The following PPP1R8 variants were observed in gnomAD, a reference collection of about 807,000 sequenced individuals.
PPP1R8 encodes the protein protein phosphatase 1 regulatory subunit 8.
A neutral mutation model predicts 31.3 loss-of-function variants in PPP1R8; 4 were observed. That is an observed-to-expected ratio of 0.13 (90% CI 0.06 to 0.29). PPP1R8 has a LOEUF of 0.29. Ranked by LOEUF, PPP1R8 falls within the 10% of genes least tolerant of loss-of-function variation. The probability of loss-of-function intolerance (pLI) is 1.00; values close to 1 mark genes in which losing one functional copy is unlikely to be tolerated. For synonymous variants in PPP1R8, 170 were observed against 169.7 expected (o/e 1.00, Z -0.01); for missense variants, 254 against 440.1 (o/e 0.58, Z 3.78).
intron 6 of PPP1R8, among the ~76,000 whole-genome samples, chr1:27,847,703 C>G (rs2089299126): frequency 6.6e-6 from 1 of 152,014 alleles, no homozygotes; most frequent in Admixed American, 6.6e-5. Flanking sequence ...TGCACTCCAG[C>G]CTGGTGACAG....
intron 2 of PPP1R8, among the ~76,000 whole-genome samples, chr1:27,837,188 T>C (rs571126277): frequency 2.0e-5 from 3 of 152,172 alleles, no homozygotes; most frequent in African/African-American, 7.2e-5. Flanking sequence ...TCCCAGCACT[T>C]TGGGAGTCTG....
chr1:27,831,895 T>G (rs2089112963), intron 1 of PPP1R8, among the ~76,000 whole-genome samples: 1 of 152,232 alleles, frequency 6.6e-6, no homozygotes, highest in African/African-American at 2.4e-5. Flanking sequence ...GGTTCTTTTT[T>G]CTAACTTCAA....
intron 5 of PPP1R8, among the ~76,000 whole-genome samples, chr1:27,844,317 T>G (rs914431533): frequency 3.3e-5 from 5 of 151,930 alleles, no homozygotes; most frequent in African/African-American, 1.2e-4. Context: ...TTTTTATTTT[T>G]TATTTTTTAT....
intron 2 of PPP1R8, chr1:27,834,366 C>T (rs778474021): frequency 5.8e-6 from 3 of 513,484 alleles, no homozygotes; most frequent in Non-Finnish European, 1.2e-5. Context: ...GAGGCGTAGA[C>T]CTGAGATGTG....
At chr1:27,845,783 C>CTTTTTTTTTTTTTTTTTT (rs773994854) in intron 5 of PPP1R8, among the ~76,000 whole-genome samples, 15 of 91,832 alleles carry the variant, frequency 1.6e-4, no homozygotes, top group East Asian at 7.8e-4. Flanking sequence ...TTCTTTCTTT[C>CTTTTTTTTTTTTTTTTTT]TTTTTTTTTT....
At chr1:27,841,396 C>G (rs1335923232) in intron 4 of PPP1R8, among the ~76,000 whole-genome samples, 162 bp downstream of exon 4, 1 of 152,056 alleles carries the variant, frequency 6.6e-6, no homozygotes, top group African/African-American at 2.4e-5. Context: ...TGTGACAGCT[C>G]TCGGAGAGCC....
At chr1:27,842,365 A>T (rs960986414) in intron 4 of PPP1R8, among the ~76,000 whole-genome samples, 1 of 151,736 alleles carries the variant, frequency 6.6e-6, no homozygotes, top group Non-Finnish European at 1.5e-5. Context: ...AAAAAAGAGA[A>T]ATTTTACAAT....
intron 2 of PPP1R8, among the ~76,000 whole-genome samples, chr1:27,836,315 A>G (rs1483687888): frequency 2.0e-5 from 3 of 152,262 alleles, no homozygotes; most frequent in Admixed American, 6.5e-5. Context: ...TCCTTCATCT[A>G]TAACAGTCCA....
Position 27,831,266 on chromosome 1 carries a change from G to C in PPP1R8, c.56+375G>C. On this transcript the variant is annotated intron_variant, in intron 1 of 6. Coordinates refer to ENST00000311772, the MANE Select transcript of PPP1R8 (RefSeq NM_014110.5). ...CTTCCTGTACGTCCCGAGCGCGCTCGAGCCAGCCCCGGCCCCAACCCTACC... is the reference window on the plus strand; with the variant it reads ...CTTCCTGTACGTCCCGAGCGCGCTCCAGCCAGCCCCGGCCCCAACCCTACC... 3.0e-6 allele frequency: 3 copies of C among 1,011,174 alleles called. No individual in the cohort carries two copies. In the South Asian group the frequency reaches 1.2e-4, roughly 42 times the overall value. The allele number at this position is 1,011,174 out of a possible 1,614,324, so 62.6% of individuals were successfully genotyped here.
rs780184937 is a variant in PPP1R8 at position 27,830,853 on chromosome 1, C to G, written c.18C>G (p.Asn6Lys). Residue 6 changes from asparagine to lysine, a missense_variant, in exon 1 of 7, where the codon AAC (asparagine) becomes AAG (lysine). Asn to Lys is a moderately conservative substitution (Grantham distance 94). Around this residue, in one of 6 missense-constraint regions of PPP1R8, gnomAD observed 38 missense variants for 18.6 expected, o/e 2.04. Coordinates refer to ENST00000311772, the MANE Select transcript of PPP1R8 (RefSeq NM_014110.5). Reference protein sequence around the residue: MAAAANSGSSLPLFDC... With the variant: MAAAAKSGSSLPLFDC... ...GACGCAAGATGGCGGCAGCCGCGAACTCCGGCTCTAGCCTCCCGCTGTTCG... is the reference window on the plus strand; with the variant it reads ...GACGCAAGATGGCGGCAGCCGCGAAGTCCGGCTCTAGCCTCCCGCTGTTCG... 1.3e-6 allele frequency: 2 copies of G among 1,576,470 alleles called. No homozygotes were observed. Among genetic ancestry groups the G allele is most frequent in the South Asian group, 1.2e-5 (1 of 85,932 alleles).
intron 2 of PPP1R8, 90 bp downstream of exon 2, chr1:27,832,906 T>C: frequency 9.4e-7 from 1 of 1,069,366 alleles, no homozygotes; most frequent in Non-Finnish European, 1.4e-6. Context: ...TGTGCTTTGT[T>C]TTCCAGCAAT....
intron 2 of PPP1R8, among the ~76,000 whole-genome samples, chr1:27,835,710 T>C (rs2089157928): frequency 6.6e-6 from 1 of 152,218 alleles, no homozygotes; most frequent in East Asian, 1.9e-4. Context: ...TTGATGTAAG[T>C]AGAATGAAGA....
chr1:27,839,464 G>A (rs2089202109), intron 3 of PPP1R8, among the ~76,000 whole-genome samples: 1 of 152,058 alleles, frequency 6.6e-6, no homozygotes, highest in Non-Finnish European at 1.5e-5. Flanking sequence ...GGAGTGGAAG[G>A]ATTCAGTGAG....
At chr1:27,831,262 G>T (rs2089101746) in intron 1 of PPP1R8, 1 of 1,011,988 alleles carries the variant, frequency 9.9e-7, no homozygotes, top group South Asian at 4.1e-5. Context: ...TCCCGAGCGC[G>T]CTCGAGCCAG....
chr1:27,842,522 C>T (rs2089233345), intron 4 of PPP1R8, among the ~76,000 whole-genome samples: 1 of 152,074 alleles, frequency 6.6e-6, no homozygotes, highest in South Asian at 2.1e-4. Context: ...GATCTTCATT[C>T]TTAAGACATT....
At chr1:27,846,886 C>T (rs12089386) in intron 5 of PPP1R8, 142 bp from the exon 6 acceptor site, 4 of 695,442 alleles carry the variant, frequency 5.8e-6, no homozygotes, top group East Asian at 5.4e-5. Flanking sequence ...GGATTTAGCA[C>T]AATGCCCAGC....
At position 27,844,894 on chromosome 1, in the gene PPP1R8, T is replaced by G. The variant is rs1412013801; in HGVS notation, c.637+1564T>G. Among the ~76,000 whole-genome samples, 8 of 127,034 alleles carry G rather than the reference T, an allele frequency of 6.3e-5. No homozygotes were observed. The East Asian group carries it at 1.6e-3, about 25-fold the overall frequency. 83.3% of individuals were successfully genotyped at this position (127,034 alleles called of 152,430 possible). The stretch of plus-strand genomic sequence containing the variant: ...CACCATGCCCGACTAATTTTTTTTT[T>G]TTTTTTTTTTTTTTTTTTTTAGTAG... On this transcript the variant is annotated intron_variant, in intron 5 of 6. Coordinates refer to ENST00000311772, the MANE Select transcript of PPP1R8 (RefSeq NM_014110.5).
Position 27,830,826 on chromosome 1 carries a change from G to T in PPP1R8, c.-10G>T, listed in dbSNP as rs193018957. ...CTTAGGGCGCGCCAAATGGGAGGGG[G>T]AGACGCAAGATGGCGGCAGCCGCGA... On this transcript the variant is annotated 5_prime_UTR_variant, in exon 1 of 7. Coordinates refer to ENST00000311772, the MANE Select transcript of PPP1R8 (RefSeq NM_014110.5). The T allele has an allele frequency of 2.5e-6, 4 of 1,574,494 alleles. No homozygotes were observed. In the South Asian group the frequency reaches 3.5e-5, roughly 14 times the overall value.
At position 27,851,330 on chromosome 1, in the gene PPP1R8, C is replaced by T; in HGVS notation, c.*884C>T. The stretch of plus-strand genomic sequence containing the variant: ...TAGATGTCAGTTTGGAGGCTCTTTC[C>T]CCCCTCAATTGAGAGCTCTTGTTAT... On this transcript the variant is annotated 3_prime_UTR_variant, in exon 7 of 7. Coordinates refer to ENST00000311772, the MANE Select transcript of PPP1R8 (RefSeq NM_014110.5). 3.3e-6 allele frequency: 1 copy of T among 303,004 alleles called. No homozygotes were observed. Among genetic ancestry groups the T allele is most frequent in the East Asian group, 8.1e-5 (1 of 12,334 alleles). 18.8% of individuals were successfully genotyped at this position (303,004 alleles called of 1,614,324 possible).
Sources: gnomAD v4.1 joint callset for allele counts (sites outside exome capture counted in the v4.1 genomes callset) on GRCh38, gnomAD v4.1.1 for gene constraint, gnomAD v4.1.1 regional missense constraint, MANE v1.5 for transcripts, NCBI Gene and HGNC (gene_info 2026-07-23, HGNC 2026-07-21) for gene names.